The following SAAL1 variants were observed in gnomAD, a reference collection of about 807,000 sequenced individuals.
SAAL1 encodes serum amyloid A like 1.
SAAL1 carries 42 observed loss-of-function variants against 59.8 expected under a neutral mutation model. That is an observed-to-expected ratio of 0.70 (90% CI 0.55 to 0.91). SAAL1 has a LOEUF of 0.91. SAAL1 is among the 40% of genes least tolerant of loss of function. The probability of loss-of-function intolerance (pLI) is 0.00; values close to 1 mark genes in which losing one functional copy is unlikely to be tolerated. For missense variants in SAAL1, 542 were observed against 561.1 expected, an observed-to-expected ratio of 0.97 and a Z score of 0.34; for synonymous variants, 191 against 194.3, an observed-to-expected ratio of 0.98 and a Z score of 0.14.
intron 3 of SAAL1, among the ~76,000 whole-genome samples, chr11:18,094,441 A>C (rs1046410735): frequency 2.0e-5 from 3 of 152,170 alleles, no homozygotes; most frequent in African/African-American, 7.2e-5. Context: ...TCCCCCATGT[A>C]TACCAAGGGA....
rs918552324 is a variant in SAAL1 at position 18,105,870 on chromosome 11, T to C, written c.135+37A>G. The C allele has an allele frequency of 3.9e-6, 6 of 1,545,954 alleles. No individual in the cohort carries two copies. The African/African-American group carries it at 8.2e-5, about 21-fold the overall frequency. On this transcript the variant is annotated intron_variant, in intron 1 of 11. Transcript: ENST00000524803. The stretch of plus-strand genomic sequence containing the variant: ...AGGCGGAGCCCCGGTGCCTGGGGGA[T>C]GTAGGGACACCCCACGCGTGGCGCG...
intron 1 of SAAL1, 130 bp downstream of exon 1, chr11:18,105,777 C>G: frequency 8.2e-7 from 1 of 1,217,732 alleles, no homozygotes; most frequent in Non-Finnish European, 1.1e-6. Flanking sequence ...GGAGCAAGGT[C>G]CCGCAGCGCA....
In SAAL1 at chr11:18,086,932, C is replaced by G. The variant is rs1207393706; in HGVS notation, c.976G>C (p.Val326Leu). The change falls in exon 9 of 12, where the codon GTT becomes CTT. Residue 326 changes from valine to leucine, a missense_variant. By Grantham distance (32) the Val-to-Leu change is conservative (BLOSUM62 1). Transcript: ENST00000524803. Reference sequence around the variant, plus strand: ...TAGATGGCAGACAACACTGAAAAAACAGAGGCTAGCACTGTTTTCTGTTCT... The same window carrying G: ...TAGATGGCAGACAACACTGAAAAAAGAGAGGCTAGCACTGTTTTCTGTTCT... ...LQEQKTVLAS[V>L]FSVLSAIYAS... 3 of 1,613,982 alleles carry G rather than the reference C, an allele frequency of 1.9e-6. No homozygotes were observed. Among genetic ancestry groups the G allele is most frequent in the Admixed American group, 3.3e-5 (2 of 60,008 alleles).
intron 3 of SAAL1, among the ~76,000 whole-genome samples, chr11:18,094,852 G>A (rs866484986): frequency 1.3e-5 from 2 of 152,124 alleles, no homozygotes. Context: ...AAACTAAAGA[G>A]GGAATAACTG....
chr11:18,089,803 C>T (rs975060086), intron 6 of SAAL1, among the ~76,000 whole-genome samples: 1 of 152,188 alleles, frequency 6.6e-6, no homozygotes, highest in Non-Finnish European at 1.5e-5. Flanking sequence ...ACTCCCAACA[C>T]TTTTGGGAGC....
At chr11:18,093,207 C>T (rs1314430621) in intron 3 of SAAL1, among the ~76,000 whole-genome samples, 1 of 152,098 alleles carries the variant, frequency 6.6e-6, no homozygotes, top group Non-Finnish European at 1.5e-5. Flanking sequence ...TTAATAATGA[C>T]CCCAAAGCAC....
At chr11:18,084,462 A>C (rs778184807) in intron 9 of SAAL1, among the ~76,000 whole-genome samples, 15 of 152,204 alleles carry the variant, frequency 9.9e-5, no homozygotes, top group Non-Finnish European at 1.8e-4. Flanking sequence ...CTCTGGCTCC[A>C]TGTGCTACTT....
At chr11:18,104,078 T>C (rs1048371185) in intron 1 of SAAL1, among the ~76,000 whole-genome samples, 3 of 152,216 alleles carry the variant, frequency 2.0e-5, no homozygotes, top group Non-Finnish European at 4.4e-5. Context: ...TTAGAAGTGT[T>C]TTAGGTCCTC....
chr11:18,091,954 G>A (rs1848527875), intron 4 of SAAL1, among the ~76,000 whole-genome samples: 1 of 152,166 alleles, frequency 6.6e-6, no homozygotes, highest in African/African-American at 2.4e-5. Context: ...CCAGTTGGCT[G>A]CCCCATCTCC....
chr11:18,095,155 T>C (rs1000508834), intron 3 of SAAL1, among the ~76,000 whole-genome samples: 4 of 152,184 alleles, frequency 2.6e-5, no homozygotes, highest in African/African-American at 4.8e-5. Context: ...TGAGAGTCCC[T>C]GTCCCAGGTG....
chr11:18,090,295 A>T lies in SAAL1; in HGVS notation c.474-5T>A, dbSNP rs1316327644. 6.3e-7 allele frequency: 1 copy of T among 1,593,008 alleles called. No homozygotes were observed. Among genetic ancestry groups the T allele is most frequent in the Non-Finnish European group, 8.5e-7 (1 of 1,174,474 alleles). On this transcript the variant is annotated splice_region_variant and splice_polypyrimidine_tract_variant and intron_variant, in intron 5 of 11. Transcript: ENST00000524803. ...GAAAGGCAAGTAAGCAACAACCTAC[A>T]TGGTAAACGTGGGTTGAATTTCTAC...
At chr11:18,089,878 C>G (rs746932053) in intron 6 of SAAL1, among the ~76,000 whole-genome samples, 1 of 152,114 alleles carries the variant, frequency 6.6e-6, no homozygotes, top group African/African-American at 2.4e-5. Flanking sequence ...AGCGAGACCC[C>G]GTCTCTACAA....
At chr11:18,096,689 A>G (rs1262243954) in intron 3 of SAAL1, 82 bp downstream of exon 3, 4 of 777,624 alleles carry the variant, frequency 5.1e-6, no homozygotes, top group Non-Finnish European at 9.0e-6. Context: ...AAGAAAATCA[A>G]AGTGAGAAAA....
At chr11:18,090,556 C>T in intron 4 of SAAL1, 63 bp from the exon 5 acceptor site, 1 of 1,545,462 alleles carries the variant, frequency 6.5e-7, no homozygotes. Flanking sequence ...TCAGAGTTTT[C>T]ATTTAATTTT....
chr11:18,092,791 G>T (rs1487074581), intron 3 of SAAL1, among the ~76,000 whole-genome samples: 1 of 152,146 alleles, frequency 6.6e-6, no homozygotes, highest in African/African-American at 2.4e-5. Flanking sequence ...CCGTGCTGAA[G>T]AATTAGACTT....
chr11:18,081,467 T>C lies in SAAL1; in HGVS notation c.1276A>G (p.Ser426Gly), dbSNP rs28930681. Residue 426 changes from serine (S) to glycine (G), a missense_variant, in exon 11 of 12, where the codon AGC becomes GGC. Physicochemically the swap from Ser to Gly is moderately conservative, Grantham distance 56 (BLOSUM62 0). Coordinates refer to ENST00000524803, the MANE Select transcript of SAAL1 (RefSeq NM_138421.3). ...AATGCAGAGGAACACTTCTGTTTGCTCAACTGGCCTTCCTTTACTCCCTGA... is the reference window on the plus strand; with the variant it reads ...AATGCAGAGGAACACTTCTGTTTGCCCAACTGGCCTTCCTTTACTCCCTGA... Reference protein sequence around the residue: ...VAQGVKEGQLSKQKCSSAFQN... With the variant: ...VAQGVKEGQLGKQKCSSAFQN... 8,486 of 1,613,988 alleles carry C rather than the reference T, an allele frequency of 5.3e-3. 429 individuals carry two copies. The African/African-American group carries it at 0.1, about 19-fold the overall frequency.
At chr11:18,087,782 A>C (rs1357185660) in intron 7 of SAAL1, among the ~76,000 whole-genome samples, 1 of 152,260 alleles carries the variant, frequency 6.6e-6, no homozygotes, top group Non-Finnish European at 1.5e-5. Context: ...AAGACAGTGA[A>C]CAATTAAAAC....
intron 2 of SAAL1, among the ~76,000 whole-genome samples, chr11:18,097,259 T>C (rs1848587866): frequency 6.7e-6 from 1 of 150,204 alleles, no homozygotes; most frequent in African/African-American, 2.5e-5. Flanking sequence ...AAAAATAAAA[T>C]AAAATTAGAA....
chr11:18,087,089 A>C, intron 8 of SAAL1, 35 bp from the exon 9 acceptor site: 1 of 1,602,658 alleles, frequency 6.2e-7, no homozygotes, highest in Non-Finnish European at 8.5e-7. Flanking sequence ...AGTACTTTAA[A>C]ATCAGCAAAC....
Sources: gnomAD v4.1 joint callset for allele counts (sites outside exome capture counted in the v4.1 genomes callset) on GRCh38, gnomAD v4.1.1 for gene constraint, MANE v1.5 for transcripts, NCBI Gene and HGNC (gene_info 2026-07-23, HGNC 2026-07-21) for gene names.